SLIT3: variants seen among roughly 807,000 people sequenced by gnomAD.
The protein encoded by SLIT3 is slit homolog 3 protein.
A neutral mutation model predicts 184.0 loss-of-function variants in SLIT3; 68 were observed. The ratio of observed to expected loss-of-function variants is 0.37; its 90% CI spans 0.30 to 0.45. The LOEUF (loss-of-function observed/expected upper bound fraction) is 0.45, where lower values mean the gene tolerates loss of function less well. SLIT3 is among the 20% of genes least tolerant of loss of function. SLIT3 has a pLI of 1.00. For missense variants in SLIT3, 1,707 were observed against 2,026.0 expected, an observed-to-expected ratio of 0.84 and a Z score of 3.02; for synonymous variants, 831 against 828.6, an observed-to-expected ratio of 1.00 and a Z score of -0.05.
chr5:168,719,338 C>T (rs1336790767), intron 23 of SLIT3, among the ~76,000 whole-genome samples: 2 of 152,250 alleles, frequency 1.3e-5, no homozygotes, highest in Non-Finnish European at 1.5e-5. Flanking sequence ...AGGCGTGAGC[C>T]ACCATGCCCG....
chr5:168,779,485 G>C (rs533774712), intron 12 of SLIT3, among the ~76,000 whole-genome samples: 18 of 152,288 alleles, frequency 1.2e-4, no homozygotes, highest in Non-Finnish European at 2.2e-4. Context: ...CCAAGTGTGA[G>C]CTCTAGGAGG....
chr5:168,722,662 C>T (rs1036984938), intron 22 of SLIT3, among the ~76,000 whole-genome samples: 2 of 152,114 alleles, frequency 1.3e-5, no homozygotes, highest in African/African-American at 2.4e-5. Context: ...AAACCATTTC[C>T]GGGAAAGAAA....
intron 4 of SLIT3, among the ~76,000 whole-genome samples, chr5:168,891,961 T>C (rs1245715514): frequency 6.6e-6 from 1 of 152,176 alleles, no homozygotes; most frequent in Non-Finnish European, 1.5e-5. Context: ...TAACTCTCTG[T>C]GCCAGCCAAT....
At chr5:168,808,141 A>G (rs11743413) in intron 8 of SLIT3, among the ~76,000 whole-genome samples, 3 of 152,164 alleles carry the variant, frequency 2.0e-5, no homozygotes, top group African/African-American at 7.2e-5. Flanking sequence ...CCAGTGCTAC[A>G]CAAGTGGATC....
At chr5:169,172,806 C>T (rs1447638774) in intron 4 of SLIT3, among the ~76,000 whole-genome samples, 1 of 152,158 alleles carries the variant, frequency 6.6e-6, no homozygotes, top group Non-Finnish European at 1.5e-5. Context: ...TCCCCGCTCA[C>T]AAGTAGCTCA....
intron 4 of SLIT3, among the ~76,000 whole-genome samples, chr5:169,167,376 G>A (rs981260290): frequency 1.4e-5 from 2 of 146,626 alleles, no homozygotes; most frequent in African/African-American, 5.0e-5. Context: ...CCAAGTTTGC[G>A]CCATTCTCCT....
At chr5:168,757,544 C>T (rs1754993514) in intron 16 of SLIT3, among the ~76,000 whole-genome samples, 1 of 152,214 alleles carries the variant, frequency 6.6e-6, no homozygotes, top group Admixed American at 6.5e-5. Flanking sequence ...CGCCATTCTC[C>T]TGCTTCAGCC....
At chr5:169,070,574 G>A (rs528962746) in intron 4 of SLIT3, among the ~76,000 whole-genome samples, 1 of 152,274 alleles carries the variant, frequency 6.6e-6, no homozygotes. Context: ...TTGTCAGCGT[G>A]TTATCGGTAT....
At chr5:168,823,186 A>G (rs967875336) in intron 7 of SLIT3, 74 bp downstream of exon 7, 8 of 1,136,310 alleles carry the variant, frequency 7.0e-6, no homozygotes, top group Non-Finnish European at 1.1e-5. Flanking sequence ...TAGGTTTGAC[A>G]AGCAGCGTAG....
chr5:169,208,755 C>T (rs1038450271), intron 3 of SLIT3, among the ~76,000 whole-genome samples: 1 of 152,144 alleles, frequency 6.6e-6, no homozygotes, highest in African/African-American at 2.4e-5. Context: ...AAACTGGACC[C>T]CTTCCTTATA....
At chr5:168,976,143 G>A (rs890694404) in intron 4 of SLIT3, among the ~76,000 whole-genome samples, 62 of 152,142 alleles carry the variant, frequency 4.1e-4, no homozygotes, top group African/African-American at 1.2e-3. Context: ...GCACTCTTAT[G>A]AGGTAGGTGC....
chr5:169,250,912 A>G (rs566684619), intron 2 of SLIT3, among the ~76,000 whole-genome samples: 1 of 152,204 alleles, frequency 6.6e-6, no homozygotes, highest in African/African-American at 2.4e-5. Flanking sequence ...CCCATTTCAA[A>G]TTTTGCTACC....
At chr5:168,953,759 T>C (rs924291561) in intron 4 of SLIT3, among the ~76,000 whole-genome samples, 14 of 152,174 alleles carry the variant, frequency 9.2e-5, no homozygotes, top group Non-Finnish European at 1.6e-4. Flanking sequence ...GAAAGCATAT[T>C]CTCACCCACA....
intron 1 of SLIT3, among the ~76,000 whole-genome samples, chr5:169,299,028 A>C (rs1767597767): frequency 6.6e-6 from 1 of 152,222 alleles, no homozygotes; most frequent in African/African-American, 2.4e-5. Context: ...CCTATGGACT[A>C]ACTTAATGTC....
intron 1 of SLIT3, among the ~76,000 whole-genome samples, chr5:169,271,663 A>G (rs1323431631): frequency 6.6e-6 from 1 of 152,220 alleles, no homozygotes; most frequent in Non-Finnish European, 1.5e-5. Context: ...CTATATATAT[A>G]GACAGAGATG....
chr5:168,748,574 C>T, intron 19 of SLIT3, 140 bp from the exon 20 acceptor site: 2 of 785,118 alleles, frequency 2.5e-6, no homozygotes, highest in East Asian at 3.4e-5. Context: ...AGAGGGTACC[C>T]GCTGGTCTCA....
intron 4 of SLIT3, among the ~76,000 whole-genome samples, chr5:168,899,352 C>T (rs936797500): frequency 3.3e-5 from 5 of 151,964 alleles, no homozygotes. Context: ...CCCATCACTA[C>T]GAAAAATAAA....
chr5:169,081,599 CT>C (rs1432378253), intron 4 of SLIT3, among the ~76,000 whole-genome samples: 2 of 152,110 alleles, frequency 1.3e-5, no homozygotes, highest in Non-Finnish European at 2.9e-5. Context: ...GGATGCTAGG[CT>C]GCAGGGCTTG....
chr5:169,167,071 G>A (rs1209819935), intron 4 of SLIT3, among the ~76,000 whole-genome samples: 1 of 151,980 alleles, frequency 6.6e-6, no homozygotes, highest in Non-Finnish European at 1.5e-5. Context: ...TCTAGAGGCT[G>A]AGGTGGGAGG....
Sources: gnomAD v4.1 joint callset for allele counts (sites outside exome capture counted in the v4.1 genomes callset) on GRCh38, gnomAD v4.1.1 for gene constraint, MANE v1.5 for transcripts, NCBI Gene and HGNC (gene_info 2026-07-23, HGNC 2026-07-21) for gene names.